Variants in GNA12 observed in about 807,000 individuals in gnomAD.
GNA12 encodes guanine nucleotide-binding protein subunit alpha-12.
A neutral mutation model predicts 26.0 loss-of-function variants in GNA12; 9 were observed. The observed-to-expected ratio is 0.35, with a 90% confidence interval of 0.21 to 0.60. The LOEUF is 0.60. GNA12 is among the 20% of genes least tolerant of loss of function. The probability of loss-of-function intolerance (pLI) is 0.78; values close to 1 mark genes in which losing one functional copy is unlikely to be tolerated. For synonymous variants in GNA12, 264 were observed against 219.6 expected, an observed-to-expected ratio of 1.20 and a Z score of -1.79; for missense variants, 405 against 525.8, an observed-to-expected ratio of 0.77 and a Z score of 2.25.
chr7:2,802,385 AT>A (rs199935556), intron 1 of GNA12, among the ~76,000 whole-genome samples: 15 of 91,042 alleles, frequency 1.6e-4, no homozygotes, highest in Middle Eastern at 0.01. Context: ...GGGGATGTAG[AT>A]TTTTTTTGGG....
At chr7:2,818,245 C>T (rs1486914345) in intron 1 of GNA12, among the ~76,000 whole-genome samples, 1 of 152,184 alleles carries the variant, frequency 6.6e-6, no homozygotes, top group African/African-American at 2.4e-5. Context: ...TCAGTACTGA[C>T]ATCTGGGGGC....
At chr7:2,765,468 A>T (rs1791764692) in intron 2 of GNA12, among the ~76,000 whole-genome samples, 1 of 151,784 alleles carries the variant, frequency 6.6e-6, no homozygotes, top group Non-Finnish European at 1.5e-5. Context: ...CTACAACAGG[A>T]AGACTTTGTT....
At chr7:2,759,790 C>T (rs947758424) in intron 2 of GNA12, among the ~76,000 whole-genome samples, 3 of 152,178 alleles carry the variant, frequency 2.0e-5, no homozygotes, top group African/African-American at 7.2e-5. Context: ...AAAAACTGTC[C>T]TTAGGGCTGG....
chr7:2,815,159 T>C (rs1349716569), intron 1 of GNA12: 2 of 600,324 alleles, frequency 3.3e-6, no homozygotes, highest in African/African-American at 1.9e-5. Context: ...AAAAAGCAAG[T>C]GGACAGGAAC....
intron 2 of GNA12, among the ~76,000 whole-genome samples, chr7:2,754,197 A>C (rs1356776280): frequency 6.6e-6 from 1 of 152,142 alleles, no homozygotes; most frequent in Non-Finnish European, 1.5e-5. Flanking sequence ...CAGCAGTCTG[A>C]GTCTGCATCT....
chr7:2,779,985 G>T (rs533926533), intron 2 of GNA12, among the ~76,000 whole-genome samples: 2 of 147,072 alleles, frequency 1.4e-5, no homozygotes, highest in South Asian at 4.3e-4. Context: ...AAGAAAAATA[G>T]AACAACTGAG....
chr7:2,813,762 C>T (rs1295897798), intron 1 of GNA12, among the ~76,000 whole-genome samples: 1 of 152,154 alleles, frequency 6.6e-6, no homozygotes, highest in Non-Finnish European at 1.5e-5. Context: ...CTGCAAAGAC[C>T]CCTTGTCCAG....
intron 2 of GNA12, among the ~76,000 whole-genome samples, chr7:2,737,849 T>C (rs1285545746): frequency 6.6e-6 from 1 of 152,248 alleles, no homozygotes. Flanking sequence ...TGATTTCCAC[T>C]GAATAGAGAC....
chr7:2,823,117 C>G (rs1057503288), intron 1 of GNA12, among the ~76,000 whole-genome samples: 4 of 152,178 alleles, frequency 2.6e-5, no homozygotes, highest in African/African-American at 9.6e-5. Flanking sequence ...TAACTAAAAA[C>G]GTGGGGTCCG....
intron 1 of GNA12, among the ~76,000 whole-genome samples, chr7:2,813,198 T>C (rs1793128071): frequency 2.0e-5 from 3 of 152,218 alleles, no homozygotes; most frequent in Admixed American, 2.0e-4. Flanking sequence ...TAAAAGGTAA[T>C]TGTTTCCCCT....
At chr7:2,837,441 A>C (rs1778870945) in intron 1 of GNA12, among the ~76,000 whole-genome samples, 1 of 152,262 alleles carries the variant, frequency 6.6e-6, no homozygotes. Context: ...TAATGGCTGA[A>C]AACTTCCCAC....
chr7:2,762,462 C>A, intron 2 of GNA12: 1 of 596,590 alleles, frequency 1.7e-6, no homozygotes, highest in Non-Finnish European at 2.8e-6. Flanking sequence ...CAAAGTCCAG[C>A]CTCTGAACCC....
chr7:2,840,044 G>A (rs1778945487), intron 1 of GNA12, among the ~76,000 whole-genome samples: 1 of 152,160 alleles, frequency 6.6e-6, no homozygotes, highest in Non-Finnish European at 1.5e-5. Context: ...GGGACAGGAA[G>A]GGGAGAGAGT....
intron 2 of GNA12, among the ~76,000 whole-genome samples, chr7:2,740,489 G>A (rs190340808): frequency 6.6e-6 from 1 of 152,176 alleles, no homozygotes; most frequent in Non-Finnish European, 1.5e-5. Flanking sequence ...CTGCCACCCA[G>A]ATCCTCAATT....
chr7:2,835,687 A>G (rs1562451262), intron 1 of GNA12: 3 of 1,070,632 alleles, frequency 2.8e-6, no homozygotes, highest in East Asian at 4.8e-5. Context: ...GCAACAAAAG[A>G]TAAACAAATT....
At chr7:2,797,261 T>C (rs1792699934) in intron 1 of GNA12, among the ~76,000 whole-genome samples, 1 of 152,174 alleles carries the variant, frequency 6.6e-6, no homozygotes, top group Non-Finnish European at 1.5e-5. Flanking sequence ...TCCTTGCCCG[T>C]AGCCTCTCAA....
intron 2 of GNA12, among the ~76,000 whole-genome samples, chr7:2,742,075 G>A (rs953268211): frequency 1.3e-5 from 2 of 151,878 alleles, no homozygotes; most frequent in Non-Finnish European, 1.5e-5. Context: ...AGGCTAGAGT[G>A]CAGTGGGGCG....
chr7:2,791,949 A>C (rs767315974), intron 2 of GNA12, among the ~76,000 whole-genome samples: 2 of 152,196 alleles, frequency 1.3e-5, no homozygotes, highest in South Asian at 2.1e-4. Context: ...AGAATTTCAC[A>C]TCATCATCTC....
intron 1 of GNA12, among the ~76,000 whole-genome samples, chr7:2,820,654 C>T (rs1793329730): frequency 6.6e-6 from 1 of 152,254 alleles, no homozygotes; most frequent in South Asian, 2.1e-4. Flanking sequence ...ACCTGCCCCA[C>T]CGGCCAGTCA....
Sources: gnomAD v4.1 joint callset for allele counts (sites outside exome capture counted in the v4.1 genomes callset) on GRCh38, gnomAD v4.1.1 for gene constraint, MANE v1.5 for transcripts, NCBI Gene and HGNC (gene_info 2026-07-23, HGNC 2026-07-21) for gene names.